The following PXDNL variants were observed in gnomAD, a reference collection of about 807,000 sequenced individuals.
The protein encoded by PXDNL is probable oxidoreductase PXDNL.
PXDNL carries 145 observed loss-of-function variants against 150.8 expected under a neutral mutation model. The ratio of observed to expected loss-of-function variants is 0.96; its 90% CI spans 0.84 to 1.10. The LOEUF is 1.10. Ranked by LOEUF, PXDNL falls within the 50% of genes least tolerant of loss-of-function variation. The pLI, the probability that PXDNL is intolerant of heterozygous loss-of-function variation, is 0.00. For missense variants in PXDNL, 2,087 were observed against 1,873.9 expected, an observed-to-expected ratio of 1.11 and a Z score of -2.10; for synonymous variants, 757 against 725.7, an observed-to-expected ratio of 1.04 and a Z score of -0.69.
chr8:51,388,758 T>C (rs750697160), intron 17 of PXDNL, among the ~76,000 whole-genome samples: 20 of 152,186 alleles, frequency 1.3e-4, no homozygotes, highest in Non-Finnish European at 2.4e-4. Flanking sequence ...TTTATTATTC[T>C]CATCTGTCTG....
At chr8:51,366,110 G>A (rs1806911086) in intron 19 of PXDNL, among the ~76,000 whole-genome samples, 1 of 152,194 alleles carries the variant, frequency 6.6e-6, no homozygotes, top group Non-Finnish European at 1.5e-5. Flanking sequence ...TCCCAAAGTT[G>A]AGAGGATGAC....
intron 18 of PXDNL, 117 bp from the exon 19 acceptor site, chr8:51,372,198 G>A (rs1005617290): frequency 4.1e-5 from 27 of 663,688 alleles, no homozygotes; most frequent in Non-Finnish European, 6.0e-5. Context: ...CATACTGAAA[G>A]AATTATGCTT....
At chr8:51,759,863 T>A (rs573730143) in intron 1 of PXDNL, among the ~76,000 whole-genome samples, 6 of 152,220 alleles carry the variant, frequency 3.9e-5, no homozygotes, top group African/African-American at 1.4e-4. Flanking sequence ...CAAGGATGAA[T>A]TGGCCAAGGC....
intron 3 of PXDNL, among the ~76,000 whole-genome samples, chr8:51,564,889 T>C (rs1002585890): frequency 1.3e-5 from 2 of 151,996 alleles, no homozygotes; most frequent in African/African-American, 4.8e-5. Flanking sequence ...AGATTTGTGT[T>C]GATTGTTTGG....
chr8:51,663,169 C>T (rs964626759), intron 1 of PXDNL, among the ~76,000 whole-genome samples: 3 of 152,154 alleles, frequency 2.0e-5, no homozygotes, highest in Admixed American at 1.3e-4. Context: ...CCAGTGGACC[C>T]GGGAAATGGC....
chr8:51,798,562 C>T (rs1265330706), intron 1 of PXDNL, among the ~76,000 whole-genome samples: 1 of 152,162 alleles, frequency 6.6e-6, no homozygotes, highest in Non-Finnish European at 1.5e-5. Flanking sequence ...GACATTTATG[C>T]AGTCAACAAA....
At chr8:51,470,113 A>G (rs887697993) in intron 8 of PXDNL, among the ~76,000 whole-genome samples, 6 of 152,128 alleles carry the variant, frequency 3.9e-5, no homozygotes, top group Non-Finnish European at 8.8e-5. Context: ...TTTAAATTGT[A>G]AGAAAGCAGA....
chr8:51,511,017 G>A (rs1811405166), intron 4 of PXDNL, among the ~76,000 whole-genome samples: 2 of 152,158 alleles, frequency 1.3e-5, no homozygotes, highest in Non-Finnish European at 1.5e-5. Context: ...CGTGGTCTAG[G>A]AAAGAAGAAA....
At chr8:51,725,398 G>A (rs147682184) in intron 1 of PXDNL, among the ~76,000 whole-genome samples, 24 of 152,302 alleles carry the variant, frequency 1.6e-4, no homozygotes, top group Non-Finnish European at 4.4e-5. Flanking sequence ...AGAAATCTGA[G>A]TAAACTGATT....
In PXDNL at chr8:51,596,276, C is replaced by T. The variant is rs140866153; in HGVS notation, c.237-3578G>A. ...AGTATTCCATGGTGTATATGGACCA[C>T]ATTTTCCTTATCCAGTCTACCACTG... On this transcript the variant is annotated intron_variant, in intron 2 of 22. Coordinates refer to ENST00000356297, the MANE Select transcript of PXDNL (RefSeq NM_144651.5). Among the ~76,000 whole-genome samples the T allele has an allele frequency of 1.6e-3, 241 of 152,300 alleles. 3 individuals are homozygous for T. The highest frequency in any genetic ancestry group is 5.5e-3 in the African/African-American group (228 of 41,552).
chr8:51,638,655 C>G (rs565398205), intron 2 of PXDNL, among the ~76,000 whole-genome samples: 1 of 152,248 alleles, frequency 6.6e-6, no homozygotes, highest in South Asian at 2.1e-4. Context: ...AGCTAACTAT[C>G]CTAAATATAT....
In PXDNL at chr8:51,413,336, A is replaced by G. The variant is rs1000335370; in HGVS notation, c.1796-78T>C. The stretch of plus-strand genomic sequence containing the variant: ...CATGATATTATATGAATGGCATTAC[A>G]TTTTTAAATGTAATGCCATTACATT... On this transcript the variant is annotated intron_variant, in intron 14 of 22. Coordinates refer to ENST00000356297, the MANE Select transcript of PXDNL (RefSeq NM_144651.5). The G allele has an allele frequency of 1.4e-5, 11 of 805,522 alleles. No homozygotes were observed. The African/African-American group carries it at 1.7e-4, about 13-fold the overall frequency. 49.9% of individuals were successfully genotyped at this position (805,522 alleles called of 1,614,324 possible). A position where few individuals can be genotyped will look rare whatever the true frequency, so the allele number is the denominator to read the frequency against.
chr8:51,415,956 AAGTC>A (rs1427200441), intron 14 of PXDNL, among the ~76,000 whole-genome samples: 2 of 152,206 alleles, frequency 1.3e-5, no homozygotes, highest in South Asian at 2.1e-4. Context: ...TGTTCAAAAA[AAGTC>A]AGTAGGAATG....
chr8:51,619,227 T>C (rs1814188526), intron 2 of PXDNL, among the ~76,000 whole-genome samples: 1 of 152,310 alleles, frequency 6.6e-6, no homozygotes, highest in East Asian at 1.9e-4. Context: ...GCCCTTTCCC[T>C]AAAGTCAGCA....
Position 51,426,746 on chromosome 8 carries a change from A to G in PXDNL, c.1538T>C (p.Phe513Ser), listed in dbSNP as rs1441258394. ...ACTTGTATCCTGAGGAAGTTGAGTAAACACTGCAAGAGCTGTGGAAACAAA... is the reference window on the plus strand; with the variant it reads ...ACTTGTATCCTGAGGAAGTTGAGTAGACACTGCAAGAGCTGTGGAAACAAA... ...LTVKPKALAV[F>S]TQLPQDTSVE... The change falls in exon 13 of 23, where the codon TTT (phenylalanine) becomes TCT (serine). Residue 513 changes from phenylalanine (F) to serine (S), a missense_variant. Transcript: ENST00000356297. 1 of 1,591,718 alleles carries G rather than the reference A, an allele frequency of 6.3e-7. No individual in the cohort carries two copies.
At chr8:51,627,586 G>C (rs765018155) in intron 2 of PXDNL, among the ~76,000 whole-genome samples, 6 of 152,072 alleles carry the variant, frequency 3.9e-5, no homozygotes, top group African/African-American at 1.4e-4. Flanking sequence ...GCTCCAAGGG[G>C]TCCTCAGAGA....
At chr8:51,573,390 C>T (rs1812986866) in intron 3 of PXDNL, among the ~76,000 whole-genome samples, 1 of 151,968 alleles carries the variant, frequency 6.6e-6, no homozygotes, top group South Asian at 2.1e-4. Flanking sequence ...AAGAGCTGTC[C>T]TTCCTGCTCC....
intron 12 of PXDNL, among the ~76,000 whole-genome samples, chr8:51,442,078 G>A (rs991184222): frequency 2.6e-5 from 4 of 151,972 alleles, no homozygotes; most frequent in African/African-American, 9.7e-5. Flanking sequence ...CAAAACCCAT[G>A]TGACATGGAC....
chr8:51,773,995 A>C (rs551811466), intron 1 of PXDNL, among the ~76,000 whole-genome samples: 1 of 152,236 alleles, frequency 6.6e-6, no homozygotes, highest in African/African-American at 2.4e-5. Flanking sequence ...ATGAAAAGAT[A>C]GTTAATATGT....
Sources: allele counts gnomAD v4.1 joint callset (sites outside exome capture counted in the v4.1 genomes callset), GRCh38; gene constraint gnomAD v4.1.1; transcripts MANE v1.5; gene names NCBI Gene and HGNC (gene_info 2026-07-23, HGNC 2026-07-21).